The following STXBP6 variants were observed in gnomAD, a reference collection of about 807,000 sequenced individuals.
The protein encoded by STXBP6 is syntaxin-binding protein 6.
In STXBP6, 21 loss-of-function variants were observed where a neutral mutation model predicts 26.9. The ratio of observed to expected loss-of-function variants is 0.78; its 90% CI spans 0.55 to 1.12. STXBP6 has a LOEUF of 1.12. STXBP6 is among the 50% of genes most tolerant of loss of function. The pLI is 0.00. For missense variants in STXBP6, 232 were observed against 257.9 expected, an observed-to-expected ratio of 0.90 and a Z score of 0.69; for synonymous variants, 97 against 92.6, an observed-to-expected ratio of 1.05 and a Z score of -0.27.
chr14:24,869,504 G>A (rs74037676), intron 2 of STXBP6, among the ~76,000 whole-genome samples: 2,277 of 152,238 alleles, frequency 0.015, 59 homozygotes, highest in African/African-American at 0.05. Context: ...TCCAGGCATG[G>A]CCTTGATGAA....
intron 1 of STXBP6, among the ~76,000 whole-genome samples, chr14:24,995,598 C>G (rs1566546370): frequency 6.6e-6 from 1 of 152,138 alleles, no homozygotes; most frequent in South Asian, 2.1e-4. Context: ...ATTATTCTTA[C>G]CTTCTATGGA....
intron 2 of STXBP6, among the ~76,000 whole-genome samples, chr14:24,956,996 T>C (rs1469012123): frequency 1.3e-5 from 2 of 152,054 alleles, no homozygotes; most frequent in Non-Finnish European, 2.9e-5. Flanking sequence ...TGCACCCCTC[T>C]ACACACACAC....
chr14:24,838,456 C>A (rs2068688983), intron 4 of STXBP6, among the ~76,000 whole-genome samples: 1 of 152,116 alleles, frequency 6.6e-6, no homozygotes, highest in Admixed American at 6.5e-5. Context: ...GAGGCCAAGG[C>A]CAGTGGATCA....
At chr14:24,880,302 T>C (rs1370976993) in intron 2 of STXBP6, among the ~76,000 whole-genome samples, 1 of 152,108 alleles carries the variant, frequency 6.6e-6, no homozygotes, top group Non-Finnish European at 1.5e-5. Context: ...AAACAAGACA[T>C]AGCAACTAGG....
chr14:24,929,162 C>G (rs2072290501), intron 2 of STXBP6, among the ~76,000 whole-genome samples: 1 of 152,226 alleles, frequency 6.6e-6, no homozygotes, highest in Non-Finnish European at 1.5e-5. Context: ...AACTGGATAT[C>G]TGAATAAAAT....
At chr14:24,927,202 A>G (rs1356561709) in intron 2 of STXBP6, among the ~76,000 whole-genome samples, 1 of 152,212 alleles carries the variant, frequency 6.6e-6, no homozygotes, top group Non-Finnish European at 1.5e-5. Context: ...TGCAGGACTG[A>G]TGCGTTGTGA....
Position 24,855,976 on chromosome 14 carries a change from C to T in STXBP6, c.411G>A (p.Arg137=). ...ATTGGCAGTTAATAAACTCTGGCTT[C>T]CTGTCCGTGAGGTACCTCTGGCAGG... ...HHTCQRYLTD[R]KPEFINCQSK... Residue 137 remains arginine (R), a synonymous_variant, in exon 4 of 6, where the codon AGG becomes AGA. Transcript: ENST00000323944. 1 of 1,607,962 alleles carries T rather than the reference C, an allele frequency of 6.2e-7. No individual in the cohort carries two copies. The highest frequency in any genetic ancestry group is 2.2e-5 in the East Asian group (1 of 44,592).
At chr14:24,874,398 G>C (rs2070056518) in intron 2 of STXBP6, among the ~76,000 whole-genome samples, 1 of 152,176 alleles carries the variant, frequency 6.6e-6, no homozygotes, top group South Asian at 2.1e-4. Flanking sequence ...TGTTGCTCAG[G>C]TATGTTCAGA....
At chr14:24,930,730 G>T (rs1165165394) in intron 2 of STXBP6, among the ~76,000 whole-genome samples, 1 of 152,106 alleles carries the variant, frequency 6.6e-6, no homozygotes, top group Admixed American at 6.5e-5. Context: ...ATCTTAAAAT[G>T]GTTATTACAC....
chr14:24,871,811 C>T (rs985127416), intron 2 of STXBP6, among the ~76,000 whole-genome samples: 4 of 152,150 alleles, frequency 2.6e-5, no homozygotes, highest in African/African-American at 9.7e-5. Flanking sequence ...TTGCCTGGGA[C>T]CATGGATCAA....
intron 2 of STXBP6, among the ~76,000 whole-genome samples, chr14:24,881,884 A>G (rs1040012826): frequency 2.0e-5 from 3 of 152,222 alleles, no homozygotes; most frequent in African/African-American, 7.2e-5. Context: ...GAATATCTCT[A>G]TGAATGGGGA....
At chr14:24,850,684 A>T (rs1236159748) in intron 4 of STXBP6, among the ~76,000 whole-genome samples, 1 of 152,114 alleles carries the variant, frequency 6.6e-6, no homozygotes, top group Non-Finnish European at 1.5e-5. Context: ...TGATATGTCC[A>T]GAAAGTAAGT....
Position 25,002,883 on chromosome 14 carries a change from C to T in STXBP6, c.-32-28033G>A, listed in dbSNP as rs1265973436. Reference sequence around the variant, plus strand: ...CTGGTATTACAGGCGTGTGCCACCACGCCCAGCTAATTTTTGTATTTTTAG... The same window carrying T: ...CTGGTATTACAGGCGTGTGCCACCATGCCCAGCTAATTTTTGTATTTTTAG... On this transcript the variant is annotated intron_variant, in intron 1 of 5. Coordinates refer to ENST00000323944, the MANE Select transcript of STXBP6 (RefSeq NM_001394410.1). Among the ~76,000 whole-genome samples, 6 of 151,956 alleles carry T rather than the reference C, an allele frequency of 3.9e-5. 1 individual carries two copies. The highest frequency in any genetic ancestry group is 2.1e-4 in the South Asian group (1 of 4,816).
At chr14:24,880,476 G>C (rs539029439) in intron 2 of STXBP6, among the ~76,000 whole-genome samples, 14 of 152,254 alleles carry the variant, frequency 9.2e-5, no homozygotes, top group African/African-American at 3.1e-4. Context: ...AAGATCCTCT[G>C]AAGGATGGGG....
chr14:24,957,135 T>A (rs72682959), intron 2 of STXBP6, among the ~76,000 whole-genome samples: 1 of 151,952 alleles, frequency 6.6e-6, no homozygotes, highest in Non-Finnish European at 1.5e-5. Context: ...TTGTCCCCAT[T>A]GTCTAGGAAA....
intron 2 of STXBP6, among the ~76,000 whole-genome samples, chr14:24,930,487 G>A (rs1177678223): frequency 6.6e-6 from 1 of 152,158 alleles, no homozygotes; most frequent in East Asian, 1.9e-4. Context: ...GAAATGCTCT[G>A]TACTTGATTC....
intron 2 of STXBP6, among the ~76,000 whole-genome samples, chr14:24,891,916 G>C (rs535223758): frequency 6.6e-6 from 1 of 152,014 alleles, no homozygotes; most frequent in Non-Finnish European, 1.5e-5. Context: ...TTCACTTTTT[G>C]TTAACCCCCA....
chr14:25,016,995 T>A (rs976521820), intron 1 of STXBP6, among the ~76,000 whole-genome samples: 6 of 152,162 alleles, frequency 3.9e-5, no homozygotes, highest in Admixed American at 2.6e-4. Flanking sequence ...AGTATGCAGT[T>A]AAACGCTTCT....
At chr14:24,952,371 G>A (rs2140066111) in intron 2 of STXBP6, among the ~76,000 whole-genome samples, 1 of 150,944 alleles carries the variant, frequency 6.6e-6, no homozygotes, top group South Asian at 2.1e-4. Flanking sequence ...CTGTCGGCAT[G>A]AATACAGTTA....
Sources: gnomAD v4.1 joint callset for allele counts (sites outside exome capture counted in the v4.1 genomes callset) on GRCh38, gnomAD v4.1.1 for gene constraint, MANE v1.5 for transcripts, NCBI Gene and HGNC (gene_info 2026-07-23, HGNC 2026-07-21) for gene names.